Variants in SLC35F4 observed in about 807,000 individuals in gnomAD.
SLC35F4 encodes the protein solute carrier family 35 member F4.
Under a neutral mutation model 44.2 loss-of-function variants are expected in SLC35F4, and 24 were observed. That is an observed-to-expected ratio of 0.54 (90% CI 0.39 to 0.76). The LOEUF is 0.76. Among genes scored for constraint, SLC35F4 ranks in the 30% least tolerant of loss-of-function variants. The pLI is 0.00. For synonymous variants in SLC35F4, 238 were observed against 223.6 expected (o/e 1.06, Z -0.57); for missense variants, 562 against 586.1 (o/e 0.96, Z 0.42).
At chr14:57,971,756 A>T (rs1284979011), downstream of SLC35F4, among the ~76,000 whole-genome samples, 1 of 152,204 alleles carries the variant, frequency 6.6e-6, no homozygotes, top group African/African-American at 2.4e-5. Context: ...ACATGGGGAG[A>T]TGTTGGCCAG....
chr14:57,600,272 A>C (rs192383725), intron 1 of SLC35F4, among the ~76,000 whole-genome samples: 1 of 152,234 alleles, frequency 6.6e-6, no homozygotes. Flanking sequence ...GACCTTTTCC[A>C]TGACTAAGAT....
At chr14:57,670,942 T>C (rs1379622144) in intron 1 of SLC35F4, among the ~76,000 whole-genome samples, 3 of 147,516 alleles carry the variant, frequency 2.0e-5, no homozygotes, top group Non-Finnish European at 4.5e-5. Context: ...TCTTGCTCTG[T>C]CACCCAGGCT....
chr14:57,894,875 C>T (rs1336054429), intron 1 of SLC35F4, among the ~76,000 whole-genome samples: 1 of 152,116 alleles, frequency 6.6e-6, no homozygotes. Flanking sequence ...GACAAACTTA[C>T]ACAGCATCAT....
chr14:57,590,052 GAAAT>G (rs1354293912), intron 2 of SLC35F4, among the ~76,000 whole-genome samples: 1 of 151,190 alleles, frequency 6.6e-6, no homozygotes, highest in Non-Finnish European at 1.5e-5. Flanking sequence ...AAGCGAGTGA[GAAAT>G]AAATATTCGT....
At chr14:57,728,440 TC>T (rs1463163247) in intron 1 of SLC35F4, among the ~76,000 whole-genome samples, 1,770 of 86,084 alleles carry the variant, frequency 0.021, 142 homozygotes, top group East Asian at 0.026. Context: ...TTTCTTTCTT[TC>T]TTTTTTTTTT....
upstream of SLC35F4, among the ~76,000 whole-genome samples, chr14:57,868,762 C>T (rs1178196628): frequency 3.3e-5 from 5 of 152,108 alleles, no homozygotes; most frequent in Admixed American, 1.3e-4. Context: ...CCGTGCCCGG[C>T]GGAAGGAAGG....
chr14:57,670,260 G>A (rs1422648208), intron 1 of SLC35F4, among the ~76,000 whole-genome samples: 2 of 151,518 alleles, frequency 1.3e-5, no homozygotes, highest in Non-Finnish European at 2.9e-5. Context: ...TATCAATTTT[G>A]TTGATCTTTT....
Position 57,703,077 on chromosome 14 carries a change from G to A in SLC35F4, c.104-108953C>T, listed in dbSNP as rs374045361. ...GCTCTTCTGCTAAGCCAGATGGCAC[G>A]GCAGAATAATAGGAAACTAGAACTT... On this transcript the variant is annotated intron_variant, in intron 1 of 7. Transcript: ENST00000556826. Among the ~76,000 whole-genome samples, 9 of 152,196 alleles carry A rather than the reference G, an allele frequency of 5.9e-5. No individual in the cohort carries two copies. The East Asian group carries it at 1.2e-3, about 20-fold the overall frequency.
intron 1 of SLC35F4, among the ~76,000 whole-genome samples, chr14:57,751,795 A>G (rs561883530): frequency 6.6e-6 from 1 of 152,338 alleles, no homozygotes; most frequent in East Asian, 1.9e-4. Flanking sequence ...CATAGCACTT[A>G]TGAGGGCATT....
chr14:57,737,490 G>T (rs2076496759), intron 1 of SLC35F4, among the ~76,000 whole-genome samples: 1 of 152,166 alleles, frequency 6.6e-6, no homozygotes, highest in South Asian at 2.1e-4. Context: ...ACAGTGTCCA[G>T]AACAGCGAAC....
intron 1 of SLC35F4, among the ~76,000 whole-genome samples, chr14:57,644,165 T>C (rs369443727): frequency 6.6e-6 from 1 of 152,224 alleles, no homozygotes; most frequent in Admixed American, 6.5e-5. Context: ...ATGGTATTTC[T>C]AGTTCTAGAT....
At chr14:57,634,334 C>T (rs541434741) in intron 1 of SLC35F4, among the ~76,000 whole-genome samples, 2 of 152,222 alleles carry the variant, frequency 1.3e-5, no homozygotes, top group South Asian at 2.1e-4. Context: ...TACATTCTCT[C>T]CTTCCTTCCT....
intron 1 of SLC35F4, among the ~76,000 whole-genome samples, chr14:57,665,835 G>A (rs2074288860): frequency 6.6e-6 from 1 of 152,172 alleles, no homozygotes; most frequent in Non-Finnish European, 1.5e-5. Context: ...GCATGGACAT[G>A]GATGGAGCTG....
chr14:57,754,942 G>A (rs920986288), intron 1 of SLC35F4, among the ~76,000 whole-genome samples: 14 of 152,166 alleles, frequency 9.2e-5, no homozygotes, highest in Non-Finnish European at 1.8e-4. Context: ...AAGAGGCTTC[G>A]ATTCCTGGTC....
chr14:57,793,356 T>C (rs535258436), intron 1 of SLC35F4, among the ~76,000 whole-genome samples: 1 of 151,930 alleles, frequency 6.6e-6, no homozygotes, highest in African/African-American at 2.4e-5. Context: ...CACCTGAATG[T>C]TGTACCAAAT....
intron 1 of SLC35F4, among the ~76,000 whole-genome samples, chr14:57,840,169 G>A (rs1885353107): frequency 6.6e-6 from 1 of 152,080 alleles, no homozygotes; most frequent in African/African-American, 2.4e-5. Context: ...AGATACAAGA[G>A]CTGGAATTCA....
intron 1 of SLC35F4, among the ~76,000 whole-genome samples, chr14:57,653,608 C>T (rs569446152): frequency 1.3e-5 from 2 of 152,190 alleles, no homozygotes; most frequent in Non-Finnish European, 2.9e-5. Flanking sequence ...TTTAAAACAA[C>T]TGTCAGAAAC....
intron 1 of SLC35F4, among the ~76,000 whole-genome samples, chr14:57,622,583 A>G (rs1299558645): frequency 6.7e-6 from 1 of 149,372 alleles, no homozygotes; most frequent in African/African-American, 2.4e-5. Context: ...AAAACCAAAA[A>G]CTGCATATTC....
Position 57,692,768 on chromosome 14 carries a change from T to G in SLC35F4, c.104-98644A>C, listed in dbSNP as rs183225935. ...CACCAAGAAGGAGATACAATTTAAC[T>G]GAAAAACCCTTACTTATAATCCACA... On this transcript the variant is annotated intron_variant, in intron 1 of 7. Transcript: ENST00000556826. Among the ~76,000 whole-genome samples, 931 of 152,222 alleles carry G rather than the reference T, an allele frequency of 6.1e-3. 6 individuals are homozygous for G. Among genetic ancestry groups the G allele is most frequent in the Middle Eastern group, 0.054 (16 of 294 alleles).
Sources: allele counts gnomAD v4.1 joint callset (sites outside exome capture counted in the v4.1 genomes callset), GRCh38; gene constraint gnomAD v4.1.1; transcripts MANE v1.5; gene names NCBI Gene and HGNC (gene_info 2026-07-23, HGNC 2026-07-21).